The following KIRREL3 variants were observed in gnomAD, a reference collection of about 807,000 sequenced individuals.
KIRREL3 encodes kin of IRRE-like protein 3.
In KIRREL3, 36 loss-of-function variants were observed where a neutral mutation model predicts 89.7. The observed-to-expected ratio is 0.40, with a 90% CI of 0.31 to 0.53. The LOEUF (loss-of-function observed/expected upper bound fraction) is 0.53. KIRREL3 is among the 20% of genes least tolerant of loss of function. KIRREL3 has a pLI of 0.49. For synonymous variants in KIRREL3, 445 were observed against 441.4 expected (o/e 1.01, Z -0.10); for missense variants, 864 against 1,056.6 (o/e 0.82, Z 2.53).
At position 126,978,794 on chromosome 11, in the gene KIRREL3, A is replaced by G. The variant is rs1949648713; in HGVS notation, c.55+21661T>C. Among the ~76,000 whole-genome samples, 1 of 152,028 alleles carries G rather than the reference A, an allele frequency of 6.6e-6. No individual in the cohort carries two copies. The highest frequency in any genetic ancestry group is 1.5e-5 in the Non-Finnish European group (1 of 67,994). On this transcript the variant is annotated intron_variant, in intron 1 of 16. Coordinates refer to ENST00000525144, the MANE Select transcript of KIRREL3 (RefSeq NM_032531.4). The surrounding 1 kb of genome is among the most constrained non-coding windows in gnomAD (Gnocchi z 4.2). ...CAACCCTAGTGTCTGCTCCCACAGG[A>G]GCTACCATATGTGGATGTCCCCTGG... is the stretch of plus-strand genomic sequence containing the variant.
At chr11:126,478,382 C>T (rs112305293) in intron 4 of KIRREL3, among the ~76,000 whole-genome samples, 225 of 151,982 alleles carry the variant, frequency 1.5e-3, no homozygotes, top group Non-Finnish European at 1.9e-3. Flanking sequence ...ACACAGTAGG[C>T]GCTAAAGAAA....
At chr11:126,866,964 CAAGA>C (rs1275941028) in intron 1 of KIRREL3, among the ~76,000 whole-genome samples, 1 of 152,156 alleles carries the variant, frequency 6.6e-6, no homozygotes, top group African/African-American at 2.4e-5. Context: ...TACACTAAGG[CAAGA>C]ACCCAGGATA....
intron 1 of KIRREL3, among the ~76,000 whole-genome samples, chr11:126,660,959 C>T (rs1400070770): frequency 6.6e-6 from 1 of 152,074 alleles, no homozygotes; most frequent in Non-Finnish European, 1.5e-5. Flanking sequence ...CATCTGAGGC[C>T]AGATGAAAGG....
intron 1 of KIRREL3, among the ~76,000 whole-genome samples, chr11:126,861,143 C>T (rs1944690426): frequency 6.6e-6 from 1 of 152,132 alleles, no homozygotes; most frequent in Non-Finnish European, 1.5e-5. Flanking sequence ...TGCTGCATTG[C>T]CCTGGGAAAA....
rs550482909 is a variant in KIRREL3 at position 126,557,006 on chromosome 11, G to A, written c.133+5829C>T. On this transcript the variant is annotated intron_variant, in intron 2 of 16. Coordinates refer to ENST00000525144, the MANE Select transcript of KIRREL3 (RefSeq NM_032531.4). This position sits in a 1 kb window ranked among gnomAD's most constrained non-coding sequence, Gnocchi z 5.6. ...AAATGACGGTATTAGCCAACATCCC[G>A]GGGGCTCGGCAGGCAGTGGAGGAAT... Among the ~76,000 whole-genome samples, 18 of 152,264 alleles carry A rather than the reference G, an allele frequency of 1.2e-4. No individual in the cohort carries two copies. The East Asian group carries it at 2.1e-3, about 18-fold the overall frequency.
intron 4 of KIRREL3, among the ~76,000 whole-genome samples, chr11:126,504,185 C>G (rs1957951116): frequency 6.6e-6 from 1 of 152,142 alleles, no homozygotes. Context: ...CCCTCTCTTT[C>G]TCTCATAGTA....
intron 1 of KIRREL3, among the ~76,000 whole-genome samples, chr11:126,862,769 A>G (rs908797113): frequency 6.6e-6 from 1 of 152,158 alleles, no homozygotes; most frequent in South Asian, 2.1e-4. Context: ...CTGGCATTCT[A>G]TGAGCTGAGA....
chr11:126,820,027 A>C (rs1252480492), intron 1 of KIRREL3, among the ~76,000 whole-genome samples: 3 of 152,228 alleles, frequency 2.0e-5, no homozygotes, highest in Non-Finnish European at 4.4e-5. Context: ...AACAACTTTC[A>C]TTCATTCTCT....
At chr11:126,540,111 G>C (rs1164757965) in intron 2 of KIRREL3, among the ~76,000 whole-genome samples, 1 of 152,170 alleles carries the variant, frequency 6.6e-6, no homozygotes, top group Non-Finnish European at 1.5e-5. Flanking sequence ...CCAGGCAGGG[G>C]TAGAAGACAG....
rs138184619 is a variant in KIRREL3, at chr11:126,590,181, T to C, written c.56-27269A>G. 2.1e-4 allele frequency among the ~76,000 whole-genome samples: 32 copies of C among 152,358 alleles called. No individual in the cohort carries two copies. In the East Asian group the frequency reaches 6.0e-3, roughly 28 times the overall value. Reference sequence around the variant, plus strand: ...ACATGGTCTTTTGACCTTAACTACCTTGGTTATTCGTTTTGTTAATACCCC... The same window carrying C: ...ACATGGTCTTTTGACCTTAACTACCCTGGTTATTCGTTTTGTTAATACCCC... On this transcript the variant is annotated intron_variant, in intron 1 of 16. Coordinates refer to ENST00000525144, the MANE Select transcript of KIRREL3 (RefSeq NM_032531.4).
chr11:126,649,195 C>T (rs1036692079), intron 1 of KIRREL3, among the ~76,000 whole-genome samples: 4 of 152,152 alleles, frequency 2.6e-5, no homozygotes, highest in Non-Finnish European at 5.9e-5. Context: ...TCCCACAACA[C>T]GTGGGAATTA....
chr11:126,769,981 G>A lies in KIRREL3; in HGVS notation c.56-207069C>T, dbSNP rs1445128088. On this transcript the variant is annotated intron_variant, in intron 1 of 16. Transcript: ENST00000525144. This position sits in a 1 kb window ranked among gnomAD's most constrained non-coding sequence, Gnocchi z 4.3. Reference sequence around the variant, plus strand: ...CTGTTGATTATAGTTGTTTTTCCCAGATCCCTGTATGGGCGGATGTGCAGA... The same window carrying A: ...CTGTTGATTATAGTTGTTTTTCCCAAATCCCTGTATGGGCGGATGTGCAGA... 6.6e-6 allele frequency among the ~76,000 whole-genome samples: 1 copy of A among 152,126 alleles called. No individual in the cohort carries two copies. Among genetic ancestry groups the A allele is most frequent in the Middle Eastern group, 3.2e-3 (1 of 316 alleles).
At position 126,719,391 on chromosome 11, in the gene KIRREL3, A is replaced by T. The variant is rs920780973; in HGVS notation, c.56-156479T>A. Among the ~76,000 whole-genome samples the T allele has an allele frequency of 1.3e-5, 2 of 152,132 alleles. No homozygotes were observed. The highest frequency in any genetic ancestry group is 4.8e-5 in the African/African-American group (2 of 41,414). ...CTACTCCTTCTCCATCTCCTTTGCT[A>T]GTTCCTCCCCATCTCTATTATTCCC... On this transcript the variant is annotated intron_variant, in intron 1 of 16. Coordinates refer to ENST00000525144, the MANE Select transcript of KIRREL3 (RefSeq NM_032531.4). The surrounding 1 kb of genome is among the most constrained non-coding windows in gnomAD (Gnocchi z 4.7).
Position 126,528,442 on chromosome 11 carries a change from C to T in KIRREL3, c.134-1755G>A, listed in dbSNP as rs564854784. ...TGGAGGCTCCCCAGAAGGAGGGGTG[C>T]AGATTCACAGTGGAGAGCTGGGGAC... is the stretch of plus-strand genomic sequence containing the variant. On this transcript the variant is annotated intron_variant, in intron 2 of 16. Coordinates refer to ENST00000525144, the MANE Select transcript of KIRREL3 (RefSeq NM_032531.4). This position sits in a 1 kb window ranked among gnomAD's most constrained non-coding sequence, Gnocchi z 4.6. Among the ~76,000 whole-genome samples the T allele has an allele frequency of 6.6e-6, 1 of 152,264 alleles. No individual in the cohort carries two copies. The highest frequency in any genetic ancestry group is 1.9e-4 in the East Asian group (1 of 5,170).
At chr11:126,945,035 G>C (rs1043352921) in intron 1 of KIRREL3, 2 of 152,172 alleles carry the variant, frequency 1.3e-5, no homozygotes, top group Non-Finnish European at 2.9e-5. Flanking sequence ...AATCAAGAAC[G>C]GGGGCCCTCG....
In KIRREL3 at chr11:126,428,481, G is replaced by A. The variant is rs1006737828; in HGVS notation, c.1806+698C>T. ...CTTGCAGACTGTTTTGGTGGGGTGC[G>A]GGGGATGAGGGAGAGGGACATGTAT... On this transcript the variant is annotated intron_variant, in intron 15 of 16. Coordinates refer to ENST00000525144, the MANE Select transcript of KIRREL3 (RefSeq NM_032531.4). This position sits in a 1 kb window ranked among gnomAD's most constrained non-coding sequence, Gnocchi z 6.4. 7.2e-5 allele frequency among the ~76,000 whole-genome samples: 11 copies of A among 152,216 alleles called. No individual in the cohort carries two copies. Among genetic ancestry groups the A allele is most frequent in the Admixed American group, 4.6e-4 (7 of 15,288 alleles).
At chr11:126,585,256 G>T (rs1941775194) in intron 1 of KIRREL3, among the ~76,000 whole-genome samples, 1 of 88,978 alleles carries the variant, frequency 1.1e-5, no homozygotes, top group Non-Finnish European at 2.1e-5. Flanking sequence ...TTGAGATAGA[G>T]TCTCTGTTAG....
chr11:126,792,997 T>C (rs1950693794), intron 1 of KIRREL3, among the ~76,000 whole-genome samples: 1 of 152,196 alleles, frequency 6.6e-6, no homozygotes, highest in African/African-American at 2.4e-5. Flanking sequence ...CATTTCCTTA[T>C]TAAGCTTACA....
rs1467042061 is a variant in KIRREL3, at chr11:126,623,244, T to C, written c.56-60332A>G. Among the ~76,000 whole-genome samples, 1 of 152,160 alleles carries C rather than the reference T, an allele frequency of 6.6e-6. No homozygotes were observed. Among genetic ancestry groups the C allele is most frequent in the African/African-American group, 2.4e-5 (1 of 41,438 alleles). ...GGTGGAAAAACCTACCCACATGCTA[T>C]GAGGATGGGAAACCAAAGTGTCTTT... On this transcript the variant is annotated intron_variant, in intron 1 of 16. Coordinates refer to ENST00000525144, the MANE Select transcript of KIRREL3 (RefSeq NM_032531.4). The surrounding 1 kb of genome is among the most constrained non-coding windows in gnomAD (Gnocchi z 4.1).
Sources: gnomAD v4.1 joint callset for allele counts (sites outside exome capture counted in the v4.1 genomes callset) on GRCh38, gnomAD v4.1.1 for gene constraint, Gnocchi (gnomAD v3.1) non-coding constraint, MANE v1.5 for transcripts, NCBI Gene and HGNC (gene_info 2026-07-23, HGNC 2026-07-21) for gene names.